Variants in ATP2B2 observed in about 807,000 individuals in gnomAD.
The protein encoded by ATP2B2 is plasma membrane calcium-transporting ATPase 2.
Under a neutral mutation model 120.0 loss-of-function variants are expected in ATP2B2, and 15 were observed. The observed-to-expected ratio is 0.12, with a 90% confidence interval of 0.08 to 0.19. The LOEUF is 0.19. Ranked by LOEUF, ATP2B2 falls within the 10% of genes least tolerant of loss-of-function variation. ATP2B2 has a pLI of 1.00. For synonymous variants in ATP2B2, 694 were observed against 700.3 expected, an observed-to-expected ratio of 0.99 and a Z score of 0.14; for missense variants, 1,045 against 1,719.8, an observed-to-expected ratio of 0.61 and a Z score of 6.94.
rs184512453 is a variant in ATP2B2 at position 10,640,072 on chromosome 3, G to A, written c.-459-20111C>T. Reference sequence around the variant, plus strand: ...AGGCTCAGGCAAATTAGGATGGTTGGCCACCCCAGTGTGGTAGTGAATGGG... The same window carrying A: ...AGGCTCAGGCAAATTAGGATGGTTGACCACCCCAGTGTGGTAGTGAATGGG... On this transcript the variant is annotated intron_variant, in intron 1 of 21. Coordinates refer to the ATP2B2 transcript ENST00000646379. Among the ~76,000 whole-genome samples, 73 of 152,314 alleles carry A rather than the reference G, an allele frequency of 4.8e-4. 2 individuals are homozygous for A. The highest frequency in any genetic ancestry group is 4.6e-3 in the Admixed American group (71 of 15,304).
rs749393972 is a variant in ATP2B2, at chr3:10,350,414, C to T, written c.2300G>A (p.Arg767His). ...GACACGCACCTCCCCCTTCTCGTTGCGGATCCTCCTGTTGAACTCCTTGCC... is the reference window on the plus strand; with the variant it reads ...GACACGCACCTCCCCCTTCTCGTTGTGGATCCTCCTGTTGAACTCCTTGCC... The part of the protein sequence containing the change: ...LEGKEFNRRI[R>H]NEKGEIEQER... Residue 767 changes from arginine to histidine, a missense_variant, in exon 15 of 23, where the codon CGC (arginine) becomes CAC (histidine). This residue lies in a region of ATP2B2 where 343 missense variants were observed against 536.8 expected (regional missense o/e 0.64). Transcript: ENST00000360273. The T allele has an allele frequency of 6.8e-6, 11 of 1,614,212 alleles. No individual in the cohort carries two copies. The highest frequency in any genetic ancestry group is 3.3e-5 in the South Asian group (3 of 91,086).
intron 2 of ATP2B2, among the ~76,000 whole-genome samples, chr3:10,556,862 T>A (rs537756018): frequency 5.3e-5 from 8 of 152,324 alleles, no homozygotes; most frequent in African/African-American, 1.9e-4. Flanking sequence ...CTGGGGTGGG[T>A]ACAATTGTCC....
At chr3:10,435,321 CA>C (rs1255460180) in intron 2 of ATP2B2, among the ~76,000 whole-genome samples, 1 of 152,124 alleles carries the variant, frequency 6.6e-6, no homozygotes, top group Non-Finnish European at 1.5e-5. Flanking sequence ...AAGGAGGAAG[CA>C]GGGGGGTCTG....
chr3:10,688,084 T>G (rs1408611877), intron 1 of ATP2B2, among the ~76,000 whole-genome samples: 1 of 152,104 alleles, frequency 6.6e-6, no homozygotes, highest in Non-Finnish European at 1.5e-5. Flanking sequence ...AGGAAGTTAT[T>G]AGATGTTGTT....
intron 2 of ATP2B2, among the ~76,000 whole-genome samples, chr3:10,584,173 G>T (rs1432035515): frequency 6.6e-6 from 1 of 152,288 alleles, no homozygotes; most frequent in East Asian, 1.9e-4. Context: ...GTGGGAGGGG[G>T]CAGAGGCAGG....
At chr3:10,618,568 G>T (rs145508631) in intron 2 of ATP2B2, among the ~76,000 whole-genome samples, 1 of 152,166 alleles carries the variant, frequency 6.6e-6, no homozygotes, top group Admixed American at 6.5e-5. Context: ...CAGCAAAATC[G>T]GAGGAGGAAG....
chr3:10,494,635 C>T (rs745309597), intron 1 of ATP2B2, among the ~76,000 whole-genome samples: 7 of 152,218 alleles, frequency 4.6e-5, no homozygotes, highest in Non-Finnish European at 1.0e-4. Flanking sequence ...TCAAAGGACA[C>T]TAACTGACCA....
Position 10,610,102 on chromosome 3 carries a change from C to T in ATP2B2, c.-415+9815G>A, listed in dbSNP as rs200718489. On this transcript the variant is annotated intron_variant, in intron 2 of 21. Coordinates refer to the ATP2B2 transcript ENST00000646379. Reference sequence around the variant, plus strand: ...ACACACACACACACACACACACACACATATATACACATATATGCATAAATA... The same window carrying T: ...ACACACACACACACACACACACACATATATATACACATATATGCATAAATA... 2.4e-3 allele frequency among the ~76,000 whole-genome samples: 311 copies of T among 130,678 alleles called. 2 individuals carry two copies. The highest frequency in any genetic ancestry group is 3.8e-3 in the Middle Eastern group (1 of 260). 85.7% of individuals were successfully genotyped at this position (130,678 alleles called of 152,430 possible).
At chr3:10,420,352 T>C (rs2062931816) in intron 2 of ATP2B2, among the ~76,000 whole-genome samples, 1 of 146,060 alleles carries the variant, frequency 6.8e-6, no homozygotes. Context: ...TCTCTGTGTC[T>C]TGGTTTCACT....
intron 3 of ATP2B2, among the ~76,000 whole-genome samples, chr3:10,517,382 AG>A (rs1179574631): frequency 1.3e-5 from 2 of 152,228 alleles, no homozygotes; most frequent in African/African-American, 4.8e-5. Flanking sequence ...TCCTGGTCCC[AG>A]GGATGCAGTG....
chr3:10,613,071 C>T (rs1212723857), intron 2 of ATP2B2, among the ~76,000 whole-genome samples: 1 of 152,174 alleles, frequency 6.6e-6, no homozygotes, highest in Non-Finnish European at 1.5e-5. Flanking sequence ...TGAGTTCAGT[C>T]TCATGGCTGA....
At chr3:10,658,232 A>G (rs532140491) in intron 1 of ATP2B2, among the ~76,000 whole-genome samples, 1 of 152,372 alleles carries the variant, frequency 6.6e-6, no homozygotes, top group Admixed American at 6.5e-5. Context: ...GCAATGCAAC[A>G]TAGCTGGACG....
intron 12 of ATP2B2, among the ~76,000 whole-genome samples, chr3:10,366,527 C>T (rs925105512): frequency 6.6e-6 from 1 of 152,186 alleles, no homozygotes; most frequent in African/African-American, 2.4e-5. Context: ...GCCATAAACT[C>T]CCAACAGTTC....
chr3:10,420,416 C>T (rs1248379952), intron 2 of ATP2B2, among the ~76,000 whole-genome samples: 1 of 150,524 alleles, frequency 6.6e-6, no homozygotes, highest in Non-Finnish European at 1.5e-5. Context: ...GGCTGGAGTG[C>T]GATGGTGTGA....
intron 2 of ATP2B2, among the ~76,000 whole-genome samples, chr3:10,597,753 A>G (rs528942882): frequency 3.3e-5 from 5 of 152,262 alleles, no homozygotes; most frequent in African/African-American, 1.2e-4. Context: ...AGAAAACAAC[A>G]ATAATAGTAT....
chr3:10,583,430 G>T (rs1415980915), intron 2 of ATP2B2, among the ~76,000 whole-genome samples: 1 of 152,146 alleles, frequency 6.6e-6, no homozygotes, highest in Admixed American at 6.5e-5. Flanking sequence ...AGGAAAAGCT[G>T]GTTCCTTGAC....
intron 3 of ATP2B2, among the ~76,000 whole-genome samples, chr3:10,404,711 G>T (rs966676430): frequency 2.0e-5 from 3 of 152,182 alleles, no homozygotes; most frequent in African/African-American, 7.2e-5. Context: ...AGAGGAAATG[G>T]TGAACGGTGC....
At chr3:10,656,645 G>A (rs551901952) in intron 1 of ATP2B2, among the ~76,000 whole-genome samples, 67 of 152,306 alleles carry the variant, frequency 4.4e-4, no homozygotes, top group African/African-American at 1.4e-3. Context: ...AGAGAGATAA[G>A]GTCCCTGACC....
At chr3:10,537,208 A>G (rs12488871) in intron 2 of ATP2B2, among the ~76,000 whole-genome samples, 16 of 152,336 alleles carry the variant, frequency 1.1e-4, no homozygotes, top group Admixed American at 5.9e-4. Flanking sequence ...GATATTCTAA[A>G]TTCTTTGCTT....
Sources: gnomAD v4.1 joint callset for allele counts (sites outside exome capture counted in the v4.1 genomes callset) on GRCh38, gnomAD v4.1.1 for gene constraint, gnomAD v4.1.1 regional missense constraint, MANE v1.5 for transcripts, NCBI Gene and HGNC (gene_info 2026-07-23, HGNC 2026-07-21) for gene names.